CCDC138: variants seen among roughly 807,000 people sequenced by gnomAD.
CCDC138 encodes the protein coiled-coil domain containing 138.
CCDC138 carries 66 observed loss-of-function variants against 82.3 expected under a neutral mutation model. The ratio of observed to expected loss-of-function variants is 0.80; its 90% confidence interval spans 0.66 to 0.98. The LOEUF (loss-of-function observed/expected upper bound fraction) is 0.98, where lower values mean the gene tolerates loss of function less well. Among genes scored for constraint, CCDC138 ranks in the 50% least tolerant of loss-of-function variants. The probability of loss-of-function intolerance (pLI) is 0.00; values close to 1 mark genes in which losing one functional copy is unlikely to be tolerated. For synonymous variants in CCDC138, 297 were observed against 265.4 expected (o/e 1.12, Z -1.16); for missense variants, 816 against 758.9 (o/e 1.08, Z -0.88).
intron 3 of CCDC138, among the ~76,000 whole-genome samples, chr2:108,789,621 C>G (rs1679565889): frequency 6.6e-6 from 1 of 152,098 alleles, no homozygotes; most frequent in South Asian, 2.1e-4. Context: ...ACAAAAAAAA[C>G]TGCCATACAG....
chr2:108,846,544 G>A (rs1401406490), intron 11 of CCDC138, among the ~76,000 whole-genome samples, 194 bp from the exon 12 acceptor site: 1 of 151,306 alleles, frequency 6.6e-6, no homozygotes, highest in East Asian at 1.9e-4. Context: ...GAGTGTGGTA[G>A]TGAGTGCCTG....
downstream of CCDC138, among the ~76,000 whole-genome samples, chr2:108,879,359 A>G (rs1696223170): frequency 6.6e-6 from 1 of 152,240 alleles, no homozygotes; most frequent in Non-Finnish European, 1.5e-5. Flanking sequence ...TTAAAATTTC[A>G]ACATGAAATA....
chr2:108,843,437 C>T (rs1689859572), intron 11 of CCDC138, among the ~76,000 whole-genome samples: 1 of 152,232 alleles, frequency 6.6e-6, no homozygotes, highest in Non-Finnish European at 1.5e-5. Context: ...GGATTACAGG[C>T]ATAAGCCACC....
chr2:108,827,709 G>A (rs1377620268), intron 10 of CCDC138, among the ~76,000 whole-genome samples: 1 of 151,800 alleles, frequency 6.6e-6, no homozygotes, highest in Non-Finnish European at 1.5e-5. Context: ...CCAGCTACTC[G>A]GGAGGCTGAG....
intron 12 of CCDC138, among the ~76,000 whole-genome samples, chr2:108,849,770 G>A (rs978491063): frequency 1.3e-5 from 2 of 152,196 alleles, no homozygotes; most frequent in African/African-American, 2.4e-5. Flanking sequence ...TAGGCACAAG[G>A]GTTTCTTATG....
intron 12 of CCDC138, among the ~76,000 whole-genome samples, chr2:108,854,708 G>A (rs1692317092): frequency 6.6e-6 from 1 of 152,172 alleles, no homozygotes; most frequent in Non-Finnish European, 1.5e-5. Context: ...GCTGGGCTCG[G>A]CTGGGCTTGG....
intron 12 of CCDC138, among the ~76,000 whole-genome samples, chr2:108,852,842 A>G (rs956637525): frequency 6.6e-6 from 1 of 152,164 alleles, no homozygotes; most frequent in Non-Finnish European, 1.5e-5. Context: ...ACAAACTCCT[A>G]TGACACAAGT....
At chr2:108,860,743 G>A (rs1218615471) in intron 13 of CCDC138, among the ~76,000 whole-genome samples, 1 of 151,710 alleles carries the variant, frequency 6.6e-6, no homozygotes, top group Non-Finnish European at 1.5e-5. Context: ...TGTTGATCAG[G>A]GATATTGGCC....
At chr2:108,837,033 G>A (rs1688681274) in intron 10 of CCDC138, among the ~76,000 whole-genome samples, 1 of 151,928 alleles carries the variant, frequency 6.6e-6, no homozygotes, top group African/African-American at 2.4e-5. Context: ...CTCCAATTTG[G>A]ATACTTTTTA....
At chr2:108,813,831 G>T (rs1684307136) in intron 9 of CCDC138, among the ~76,000 whole-genome samples, 1 of 152,018 alleles carries the variant, frequency 6.6e-6, no homozygotes, top group African/African-American at 2.4e-5. Context: ...AATTAGTTTT[G>T]CCTGTTTGAG....
At chr2:108,828,028 T>C (rs1441884511) in intron 10 of CCDC138, among the ~76,000 whole-genome samples, 1 of 151,998 alleles carries the variant, frequency 6.6e-6, no homozygotes, top group Non-Finnish European at 1.5e-5. Context: ...AACTTGTAAA[T>C]AGATTTCACA....
chr2:108,820,038 AT>A (rs1685408578), intron 10 of CCDC138, among the ~76,000 whole-genome samples: 1 of 152,232 alleles, frequency 6.6e-6, no homozygotes, highest in South Asian at 2.1e-4. Context: ...GAAAAATACA[AT>A]ATCTGAACTA....
At chr2:108,786,760 C>G, upstream of CCDC138, 1 of 1,456,994 alleles carries the variant, frequency 6.9e-7, no homozygotes, top group Non-Finnish European at 9.4e-7. Context: ...GCACTGCGGC[C>G]GCGTAGCGCC....
chr2:108,788,349 G>T (rs530334821), intron 2 of CCDC138, among the ~76,000 whole-genome samples: 1 of 151,918 alleles, frequency 6.6e-6, no homozygotes, highest in African/African-American at 2.4e-5. Flanking sequence ...GAACCCGGGA[G>T]GCAGAGGTTG....
intron 10 of CCDC138, among the ~76,000 whole-genome samples, chr2:108,829,403 CTA>C (rs1687159733): frequency 6.6e-6 from 1 of 152,180 alleles, no homozygotes; most frequent in South Asian, 2.1e-4. Flanking sequence ...TCACTACTCT[CTA>C]AGGAAATACA....
intron 13 of CCDC138, among the ~76,000 whole-genome samples, chr2:108,867,204 G>A (rs565437629): frequency 7.2e-5 from 11 of 152,104 alleles, no homozygotes; most frequent in Non-Finnish European, 1.3e-4. Context: ...CTAGGGCCAG[G>A]GCAGTGATAA....
At chr2:108,874,374 G>A (rs1476950844) in intron 14 of CCDC138, among the ~76,000 whole-genome samples, 1 of 152,048 alleles carries the variant, frequency 6.6e-6, no homozygotes, top group Non-Finnish European at 1.5e-5. Flanking sequence ...TCAGAAACTT[G>A]TATAACCAGT....
At chr2:108,813,019 A>G (rs549611187) in intron 9 of CCDC138, 92 bp downstream of exon 9, 69 of 967,080 alleles carry the variant, frequency 7.1e-5, no homozygotes, top group Non-Finnish European at 1.0e-4. Context: ...GGAGGCTGAG[A>G]TGGGCGGATC....
chr2:108,819,974 A>C (rs1316740397), intron 10 of CCDC138, among the ~76,000 whole-genome samples: 1 of 152,266 alleles, frequency 6.6e-6, no homozygotes, highest in Non-Finnish European at 1.5e-5. Context: ...ACAAAGTGAC[A>C]GTATAAACTA....
Sources: allele counts gnomAD v4.1 joint callset (sites outside exome capture counted in the v4.1 genomes callset), GRCh38; gene constraint gnomAD v4.1.1; transcripts MANE v1.5; gene names NCBI Gene and HGNC (gene_info 2026-07-23, HGNC 2026-07-21).